The following P3H2 variants were observed in gnomAD, a reference collection of about 807,000 sequenced individuals.
The protein encoded by P3H2 is leprecan-like 1.
In P3H2, 80 loss-of-function variants were observed where a neutral mutation model predicts 87.0. The ratio of observed to expected loss-of-function variants is 0.92; its 90% CI spans 0.77 to 1.11. P3H2 has a LOEUF of 1.11. P3H2 is among the 50% of genes least tolerant of loss of function. The pLI, the probability that P3H2 is intolerant of heterozygous loss-of-function variation, is 0.00. For synonymous variants in P3H2, 367 were observed against 359.3 expected (o/e 1.02, Z -0.24); for missense variants, 1,001 against 923.9 (o/e 1.08, Z -1.08).
intron 1 of P3H2, among the ~76,000 whole-genome samples, chr3:190,023,885 G>C (rs1428676893): frequency 6.6e-6 from 1 of 152,138 alleles, no homozygotes; most frequent in Non-Finnish European, 1.5e-5. Flanking sequence ...TATTACAAAG[G>C]CAACATGATG....
rs1458164128 is a variant in P3H2, at chr3:190,019,798, A to ACATG, written c.481-24357_481-24356insCATG. Among the ~76,000 whole-genome samples the ACATG allele has an allele frequency of 7.6e-5, 4 of 52,972 alleles. 1 individual carries two copies. Among genetic ancestry groups the ACATG allele is most frequent in the African/African-American group, 1.7e-4 (4 of 23,562 alleles). The allele number at this position is 52,972 out of a possible 152,430, so 34.8% of individuals were successfully genotyped here. A position where few individuals can be genotyped will look rare whatever the true frequency, so the allele number is the denominator to read the frequency against. ...TAGAAATTAAAAAATATATATATAT[A>ACATG]TATATATATATATATATACTCACAA... On this transcript the variant is annotated intron_variant, in intron 1 of 14. Coordinates refer to ENST00000319332, the MANE Select transcript of P3H2 (RefSeq NM_018192.4).
rs1722684951 is a variant in P3H2, at chr3:189,957,833, T to C, written c.*79A>G. On this transcript the variant is annotated 3_prime_UTR_variant, in exon 15 of 15. Transcript: ENST00000319332. ...GACATTAACCTGTTAATTTATACCA[T>C]GGCTCTGTACAAAAATAAAAAGGTT... 1 of 947,136 alleles carries C rather than the reference T, an allele frequency of 1.1e-6. No homozygotes were observed. The highest frequency in any genetic ancestry group is 1.3e-5 in the South Asian group (1 of 74,338). The allele number at this position is 947,136 out of a possible 1,614,324, so 58.7% of individuals were successfully genotyped here. A position where few individuals can be genotyped will look rare whatever the true frequency, so the allele number is the denominator to read the frequency against.
intron 1 of P3H2, among the ~76,000 whole-genome samples, chr3:190,022,454 GTTTC>G (rs1329310304): frequency 7.4e-6 from 1 of 134,952 alleles, no homozygotes; most frequent in African/African-American, 2.6e-5. Context: ...TAAGACCTTT[GTTTC>G]TTTATGAAAT....
chr3:189,988,614 G>T (rs1175368334), intron 4 of P3H2, among the ~76,000 whole-genome samples: 1 of 152,056 alleles, frequency 6.6e-6, no homozygotes, highest in African/African-American at 2.4e-5. Context: ...AGAGGATTTT[G>T]CAAAGTTCCT....
At chr3:190,003,366 T>G (rs934092382) in intron 1 of P3H2, among the ~76,000 whole-genome samples, 1 of 152,178 alleles carries the variant, frequency 6.6e-6, no homozygotes, top group Non-Finnish European at 1.5e-5. Context: ...TTCCATCAGC[T>G]TTCTAGAAGA....
At chr3:190,003,856 G>A (rs1269936804) in intron 1 of P3H2, among the ~76,000 whole-genome samples, 5 of 152,184 alleles carry the variant, frequency 3.3e-5, no homozygotes, top group African/African-American at 9.7e-5. Context: ...TTACCGAAAA[G>A]CAGTGTGGGC....
chr3:190,096,495 TTG>T lies in P3H2; in HGVS notation c.480+23755_480+23756del, dbSNP rs1333756266. ...AGGCCTCCTCACGCTTCCTGTGGAA[TTG>T]TGTCAATTACACCTCTTTTCTTCAT... On this transcript the variant is annotated intron_variant, in intron 1 of 14. Transcript: ENST00000319332. Among the ~76,000 whole-genome samples the T allele has an allele frequency of 5.3e-5, 8 of 152,304 alleles. No homozygotes were observed. In the East Asian group the frequency reaches 1.4e-3, roughly 26 times the overall value.
chr3:190,042,727 C>T (rs960212757), intron 1 of P3H2, among the ~76,000 whole-genome samples: 3 of 152,182 alleles, frequency 2.0e-5, no homozygotes, highest in African/African-American at 7.2e-5. Context: ...GGCATAGTTA[C>T]TATTCCCTTT....
In P3H2 at chr3:190,000,304, C is replaced by T. The variant is rs180820034; in HGVS notation, c.481-4862G>A. Reference sequence around the variant, plus strand: ...ACATAGGTCCAATTCTCCAGTCATGCCCCAGTTCATTAGTTCACCCATTTA... The same window carrying T: ...ACATAGGTCCAATTCTCCAGTCATGTCCCAGTTCATTAGTTCACCCATTTA... On this transcript the variant is annotated intron_variant, in intron 1 of 14. Transcript: ENST00000319332. Among the ~76,000 whole-genome samples, 402 of 152,304 alleles carry T rather than the reference C, an allele frequency of 2.6e-3. 2 individuals carry two copies. Among genetic ancestry groups the T allele is most frequent in the South Asian group, 0.021 (99 of 4,824 alleles).
chr3:190,017,190 G>C (rs1560363949), intron 1 of P3H2, among the ~76,000 whole-genome samples: 1 of 152,084 alleles, frequency 6.6e-6, no homozygotes, highest in African/African-American at 2.4e-5. Context: ...TCCATATCCT[G>C]AAGAATTTTG....
At chr3:190,111,702 T>G (rs1577329425) in intron 1 of P3H2, among the ~76,000 whole-genome samples, 2 of 152,346 alleles carry the variant, frequency 1.3e-5, no homozygotes, top group East Asian at 1.9e-4. Flanking sequence ...GTTTCTGGTC[T>G]TCCTATTCCC....
chr3:190,116,791 A>G (rs1232103633), intron 1 of P3H2: 4 of 152,254 alleles, frequency 2.6e-5, no homozygotes, highest in Non-Finnish European at 5.9e-5. Context: ...TTAAATGATA[A>G]AAATCAAAAG....
rs1560341985 is a variant in P3H2, at chr3:189,971,980, C to T, written c.1727G>A (p.Ser576Asn). The stretch of plus-strand genomic sequence containing the variant: ...ACAGTTGTCAGCATGGATGGGATGA[C>T]TGAGGTCATTTCTTCTATCCTGCTG... ...SGQQDRRNDLSHPIHADNCLL... is the reference protein window; with the variant it reads ...SGQQDRRNDLNHPIHADNCLL... The change falls in exon 12 of 15, where the codon AGT becomes AAT. Residue 576 changes from serine to asparagine, a missense_variant. Coordinates refer to ENST00000319332, the MANE Select transcript of P3H2 (RefSeq NM_018192.4). 1 of 1,613,276 alleles carries T rather than the reference C, an allele frequency of 6.2e-7. No individual in the cohort carries two copies. Among genetic ancestry groups the T allele is most frequent in the Admixed American group, 1.7e-5 (1 of 60,026 alleles).
intron 1 of P3H2, among the ~76,000 whole-genome samples, chr3:190,101,452 C>T (rs1711624950): frequency 7.6e-6 from 1 of 131,056 alleles, no homozygotes; most frequent in African/African-American, 2.9e-5. Flanking sequence ...GAAAGTGAAA[C>T]AGCCTTACTG....
intron 1 of P3H2, among the ~76,000 whole-genome samples, chr3:190,103,395 T>C (rs1326642983): frequency 6.6e-6 from 1 of 152,234 alleles, no homozygotes; most frequent in East Asian, 1.9e-4. Flanking sequence ...TCTGGGACAA[T>C]GGGTTACAGG....
chr3:190,071,115 CAT>C (rs1219712846), intron 1 of P3H2, among the ~76,000 whole-genome samples: 2 of 152,168 alleles, frequency 1.3e-5, no homozygotes, highest in Non-Finnish European at 2.9e-5. Context: ...TACAGGATGA[CAT>C]GTTTGCATTG....
At chr3:189,998,453 C>G (rs939756720) in intron 1 of P3H2, among the ~76,000 whole-genome samples, 1 of 152,120 alleles carries the variant, frequency 6.6e-6, no homozygotes, top group African/African-American at 2.4e-5. Context: ...AGCTTAAATC[C>G]TGCCTTCTCT....
At chr3:190,093,455 T>C (rs1727479235) in intron 1 of P3H2, among the ~76,000 whole-genome samples, 1 of 152,102 alleles carries the variant, frequency 6.6e-6, no homozygotes, top group Non-Finnish European at 1.5e-5. Flanking sequence ...TTCTGCTGGA[T>C]AGCTAGAAAG....
At chr3:190,093,376 G>A (rs184246732) in intron 1 of P3H2, among the ~76,000 whole-genome samples, 48 of 152,282 alleles carry the variant, frequency 3.2e-4, no homozygotes, top group Non-Finnish European at 5.6e-4. Flanking sequence ...ACTAGCTAAA[G>A]AGGTTGGCCA....
Sources: allele counts gnomAD v4.1 joint callset (sites outside exome capture counted in the v4.1 genomes callset), GRCh38; gene constraint gnomAD v4.1.1; transcripts MANE v1.5; gene names NCBI Gene and HGNC (gene_info 2026-07-23, HGNC 2026-07-21).